Variants in ROBO2 observed in about 807,000 individuals in gnomAD.
ROBO2 encodes roundabout homolog 2.
Under a neutral mutation model 160.8 loss-of-function variants are expected in ROBO2, and 53 were observed. The ratio of observed to expected loss-of-function variants is 0.33; its 90% CI spans 0.26 to 0.41. The LOEUF (loss-of-function observed/expected upper bound fraction) is 0.41. Ranked by LOEUF, ROBO2 falls within the 10% of genes least tolerant of loss-of-function variation. The pLI, the probability that ROBO2 is intolerant of heterozygous loss-of-function variation, is 1.00. For missense variants in ROBO2, 1,577 were observed against 1,722.4 expected (o/e 0.92, Z 1.49); for synonymous variants, 664 against 611.7 (o/e 1.09, Z -1.26).
chr3:76,435,664 C>T (rs751858311), intron 2 of ROBO2, among the ~76,000 whole-genome samples: 7 of 152,104 alleles, frequency 4.6e-5, no homozygotes, highest in South Asian at 2.1e-4. Context: ...TCAACCATGC[C>T]GCCAGTCCAT....
At chr3:76,763,969 A>G (rs907217203) in intron 2 of ROBO2, among the ~76,000 whole-genome samples, 9 of 151,774 alleles carry the variant, frequency 5.9e-5, no homozygotes, top group African/African-American at 2.2e-4. Context: ...GATATAAACA[A>G]AATCCTGCAT....
intron 2 of ROBO2, among the ~76,000 whole-genome samples, chr3:76,717,815 C>T (rs2093405858): frequency 6.7e-6 from 1 of 149,418 alleles, no homozygotes; most frequent in Admixed American, 6.6e-5. Context: ...TTTGCTTGGC[C>T]ATAACCAAGA....
At chr3:77,611,094 C>A (rs554990909) in intron 21 of ROBO2, among the ~76,000 whole-genome samples, 1 of 151,842 alleles carries the variant, frequency 6.6e-6, no homozygotes, top group African/African-American at 2.4e-5. Context: ...GTCAAGAGAT[C>A]GAGACCATCC....
intron 2 of ROBO2, among the ~76,000 whole-genome samples, chr3:76,854,039 TCTCTCTC>T: frequency 2.3e-5 from 2 of 88,310 alleles, no homozygotes; most frequent in Middle Eastern, 6.7e-3. Context: ...TCTCTCTCTC[TCTCTCTC>T]TCTCTCTCTC....
At chr3:77,129,406 G>A (rs2075644864) in intron 2 of ROBO2, among the ~76,000 whole-genome samples, 1 of 152,070 alleles carries the variant, frequency 6.6e-6, no homozygotes, top group Non-Finnish European at 1.5e-5. Context: ...ACACATTTTT[G>A]CCAATGAGAA....
intron 2 of ROBO2, among the ~76,000 whole-genome samples, chr3:77,327,329 T>C (rs1164962477): frequency 1.3e-5 from 2 of 152,184 alleles, no homozygotes; most frequent in African/African-American, 2.4e-5. Flanking sequence ...GTTCACAGTG[T>C]ATGTCATTTC....
Position 76,603,332 on chromosome 3 carries a change from CAAAAA to C in ROBO2, c.110-494666_110-494662del, listed in dbSNP as rs61547121. ...GGGTGACAGAGCGAGACTCCATCTCCAAAAAAAAAAAAAAAAAAAATATATATATA... is the reference window on the plus strand; with the variant it reads ...GGGTGACAGAGCGAGACTCCATCTCCAAAAAAAAAAAAAAATATATATATA... On this transcript the variant is annotated intron_variant, in intron 2 of 26. Transcript: ENST00000487694. Among the ~76,000 whole-genome samples, 158 of 66,382 alleles carry C rather than the reference CAAAAA, an allele frequency of 2.4e-3. 1 individual carries two copies. Among genetic ancestry groups the C allele is most frequent in the Middle Eastern group, 0.014 (1 of 72 alleles). The allele number at this position is 66,382 out of a possible 152,430, so 43.5% of individuals were successfully genotyped here. A position where few individuals can be genotyped will look rare whatever the true frequency, so the allele number is the denominator to read the frequency against.
chr3:77,332,366 A>G (rs1415663436), intron 2 of ROBO2, among the ~76,000 whole-genome samples: 1 of 152,130 alleles, frequency 6.6e-6, no homozygotes, highest in Non-Finnish European at 1.5e-5. Flanking sequence ...GTGTGTCTTC[A>G]TGATCGGGTC....
rs2093871911 is a variant in ROBO2, at chr3:77,579,971, C to T, written c.2353C>T (p.Arg785Ter). The T allele has an allele frequency of 1.2e-6, 2 of 1,613,404 alleles. No individual in the cohort carries two copies. The highest frequency in any genetic ancestry group is 1.7e-5 in the Admixed American group (1 of 59,956). ...GATCTGGTGTCTAGGAAATGAAACGCGATTCCATATCAACAAAACTGTGGA... is the reference window on the plus strand; with the variant it reads ...GATCTGGTGTCTAGGAAATGAAACGTGATTCCATATCAACAAAACTGTGGA... The change falls in exon 16 of 26, where the codon CGA becomes TGA. Residue 785 changes from arginine (R) to a stop codon, truncating the protein, a stop_gained. Transcript: ENST00000461745. LOFTEE classifies it high-confidence loss of function.
At chr3:77,369,133 G>A (rs2071380572) in intron 2 of ROBO2, among the ~76,000 whole-genome samples, 1 of 152,122 alleles carries the variant, frequency 6.6e-6, no homozygotes, top group African/African-American at 2.4e-5. Context: ...CTTGATCGTG[G>A]CCAAAGCTGT....
intron 2 of ROBO2, among the ~76,000 whole-genome samples, chr3:76,884,965 T>A (rs559060551): frequency 6.6e-6 from 1 of 152,190 alleles, no homozygotes; most frequent in African/African-American, 2.4e-5. Context: ...TTTGAGAAGA[T>A]CTGGGTCAAG....
At chr3:76,835,423 A>G (rs28557434) in intron 2 of ROBO2, among the ~76,000 whole-genome samples, 2,875 of 145,820 alleles carry the variant, frequency 0.02, 82 homozygotes, top group East Asian at 0.13. Context: ...TATATATAAT[A>G]TATACAAACA....
intron 2 of ROBO2, among the ~76,000 whole-genome samples, chr3:77,279,569 C>A (rs948205891): frequency 6.6e-6 from 1 of 152,076 alleles, no homozygotes; most frequent in Non-Finnish European, 1.5e-5. Flanking sequence ...AGATCTGGCT[C>A]ATTTCTGTTG....
intron 2 of ROBO2, among the ~76,000 whole-genome samples, chr3:76,150,023 G>C (rs1416225564): frequency 6.9e-6 from 1 of 145,220 alleles, no homozygotes; most frequent in Non-Finnish European, 1.5e-5. Context: ...ACAGACATCT[G>C]TCTAAATCAC....
chr3:76,691,838 G>A (rs767586799), intron 2 of ROBO2, among the ~76,000 whole-genome samples: 94 of 152,202 alleles, frequency 6.2e-4, no homozygotes, highest in Non-Finnish European at 7.1e-4. Context: ...AAAATATGTG[G>A]AATAAGAAGG....
chr3:77,545,039 C>G (rs1273520697), intron 6 of ROBO2, among the ~76,000 whole-genome samples: 1 of 152,144 alleles, frequency 6.6e-6, no homozygotes, highest in East Asian at 1.9e-4. Context: ...TTACTTATGT[C>G]TTGGTCTCAT....
At position 76,198,237 on chromosome 3, in the gene ROBO2, A is replaced by G. The variant is rs539214001; in HGVS notation, c.109+260635A>G. Among the ~76,000 whole-genome samples the G allele has an allele frequency of 1.2e-4, 18 of 151,048 alleles. No individual in the cohort carries two copies. In the South Asian group the frequency reaches 2.7e-3, roughly 23 times the overall value. On this transcript the variant is annotated intron_variant, in intron 2 of 26. Transcript: ENST00000487694. ...GAACATGGTGGGAAAGGGAGATCCG[A>G]CATACCTCATCACACCCTCCTCCCT...
At chr3:76,151,787 C>T (rs2106851687) in intron 2 of ROBO2, among the ~76,000 whole-genome samples, 1 of 152,182 alleles carries the variant, frequency 6.6e-6, no homozygotes, top group South Asian at 2.1e-4. Flanking sequence ...TCAACTCATC[C>T]ATTTCTGTCT....
chr3:77,145,312 G>A (rs1460566393), intron 2 of ROBO2, among the ~76,000 whole-genome samples: 1 of 152,136 alleles, frequency 6.6e-6, no homozygotes, highest in African/African-American at 2.4e-5. Context: ...AAACATGTTT[G>A]AAGTTTGAAC....
Sources: gnomAD v4.1 joint callset for allele counts (sites outside exome capture counted in the v4.1 genomes callset) on GRCh38, gnomAD v4.1.1 for gene constraint, MANE v1.5 for transcripts, NCBI Gene and HGNC (gene_info 2026-07-23, HGNC 2026-07-21) for gene names.